Variants in LPP observed in about 807,000 individuals in gnomAD.
The protein encoded by LPP is LIM domain containing preferred translocation partner in lipoma.
LPP carries 38 observed loss-of-function variants against 60.4 expected under a neutral mutation model. The ratio of observed to expected loss-of-function variants is 0.63; its 90% confidence interval spans 0.49 to 0.83. LPP has a LOEUF of 0.83. LPP is among the 40% of genes least tolerant of loss of function. The pLI, the probability that LPP is intolerant of heterozygous loss-of-function variation, is 0.00. For synonymous variants in LPP, 328 were observed against 290.8 expected (o/e 1.13, Z -1.30); for missense variants, 902 against 783.6 (o/e 1.15, Z -1.80).
At position 188,610,870 on chromosome 3, in the gene LPP, G is replaced by A. The variant is rs1234188720; in HGVS notation, c.1113+1026G>A. ...GAGTGCCCTTGCTTCTTTTCAGTTA[G>A]AACTGTGAGAAATCAGAAATTTGAG... On this transcript the variant is annotated intron_variant, in intron 7 of 11. Coordinates refer to ENST00000617246, the MANE Select transcript of LPP (RefSeq NM_001375462.1). The surrounding 1 kb of genome is among the most constrained non-coding windows in gnomAD (Gnocchi z 4.4). Among the ~76,000 whole-genome samples, 1 of 152,168 alleles carries A rather than the reference G, an allele frequency of 6.6e-6. No homozygotes were observed. Among genetic ancestry groups the A allele is most frequent in the Non-Finnish European group, 1.5e-5 (1 of 68,026 alleles).
intron 5 of LPP, among the ~76,000 whole-genome samples, chr3:188,511,898 C>T (rs919206847): frequency 1.7e-4 from 26 of 152,058 alleles, no homozygotes; most frequent in African/African-American, 6.3e-4. Context: ...GGGTAGCTGC[C>T]TAGTAATATT....
intron 7 of LPP, among the ~76,000 whole-genome samples, chr3:188,644,658 A>G (rs1486278795): frequency 6.6e-6 from 1 of 152,196 alleles, no homozygotes; most frequent in Non-Finnish European, 1.5e-5. Flanking sequence ...GTGATTGAGC[A>G]TTGCAAAAGA....
chr3:188,533,755 C>G (rs761496990), intron 6 of LPP, among the ~76,000 whole-genome samples: 1 of 152,090 alleles, frequency 6.6e-6, no homozygotes, highest in Non-Finnish European at 1.5e-5. Context: ...TTAGCCTGTA[C>G]CCGCCAGAAA....
intron 7 of LPP, among the ~76,000 whole-genome samples, chr3:188,651,353 A>G (rs1315077764): frequency 6.6e-6 from 1 of 152,202 alleles, no homozygotes; most frequent in Non-Finnish European, 1.5e-5. Context: ...GAGAGTAGAG[A>G]TGGCCTGGCT....
chr3:188,817,799 A>C (rs1752866872), intron 9 of LPP, among the ~76,000 whole-genome samples: 1 of 152,204 alleles, frequency 6.6e-6, no homozygotes, highest in Non-Finnish European at 1.5e-5. Flanking sequence ...TGAGGTGGAG[A>C]AACAGATACT....
At chr3:188,565,796 C>T (rs958854732) in intron 6 of LPP, among the ~76,000 whole-genome samples, 2 of 151,948 alleles carry the variant, frequency 1.3e-5, no homozygotes, top group Admixed American at 1.3e-4. Context: ...GAGACTTTGA[C>T]TAAGCTTCAA....
At chr3:188,242,415 GA>G (rs1171332848) in intron 2 of LPP, among the ~76,000 whole-genome samples, 3 of 149,572 alleles carry the variant, frequency 2.0e-5, no homozygotes, top group African/African-American at 4.9e-5. Context: ...AAAGAAGAAG[GA>G]AAAAAAAACC....
chr3:188,315,890 A>G (rs1754891403), intron 2 of LPP, among the ~76,000 whole-genome samples: 1 of 152,214 alleles, frequency 6.6e-6, no homozygotes, highest in African/African-American at 2.4e-5. Flanking sequence ...GCTTCAAATT[A>G]CCTTTTTAGG....
chr3:188,561,759 A>G (rs764756345), intron 6 of LPP, among the ~76,000 whole-genome samples: 1 of 152,064 alleles, frequency 6.6e-6, no homozygotes, highest in Admixed American at 6.6e-5. Flanking sequence ...TACTCATTAC[A>G]TATAAGGATA....
At chr3:188,458,970 AC>A in intron 4 of LPP, among the ~76,000 whole-genome samples, 1 of 151,342 alleles carries the variant, frequency 6.6e-6, no homozygotes, top group Non-Finnish European at 1.5e-5. Flanking sequence ...GTTTGGAGAG[AC>A]CCCAGGTTGA....
chr3:188,808,402 C>G (rs184368831), intron 9 of LPP, among the ~76,000 whole-genome samples: 1 of 152,110 alleles, frequency 6.6e-6, no homozygotes, highest in Admixed American at 6.5e-5. Context: ...TGTGAGTCTC[C>G]GAAGCAGGCT....
chr3:188,706,456 T>C (rs1175318380), intron 7 of LPP, among the ~76,000 whole-genome samples: 1 of 152,244 alleles, frequency 6.6e-6, no homozygotes, highest in Non-Finnish European at 1.5e-5. Flanking sequence ...TTTGGCCTTT[T>C]CAGCCTTCTG....
At chr3:188,670,449 C>CTT (rs565703660) in intron 7 of LPP, among the ~76,000 whole-genome samples, 6 of 141,666 alleles carry the variant, frequency 4.2e-5, no homozygotes, top group Admixed American at 2.1e-4. Context: ...AGGTCTCTCT[C>CTT]TTTTTTTTTT....
chr3:188,252,522 T>C (rs1273333437), intron 2 of LPP, among the ~76,000 whole-genome samples: 1 of 152,040 alleles, frequency 6.6e-6, no homozygotes, highest in African/African-American at 2.4e-5. Context: ...GTAAATATTT[T>C]ATGAGGTACT....
At chr3:188,685,148 G>A (rs1248686007) in intron 7 of LPP, among the ~76,000 whole-genome samples, 1 of 152,190 alleles carries the variant, frequency 6.6e-6, no homozygotes, top group African/African-American at 2.4e-5. Flanking sequence ...CAATTGTAGT[G>A]GTGCAAGACA....
chr3:188,240,318 T>C (rs1577476672), intron 2 of LPP, among the ~76,000 whole-genome samples: 1 of 151,842 alleles, frequency 6.6e-6, no homozygotes, highest in Non-Finnish European at 1.5e-5. Context: ...GTTGACTGCA[T>C]AAGAGTCAGG....
intron 2 of LPP, among the ~76,000 whole-genome samples, chr3:188,282,481 A>G (rs1213629082): frequency 6.6e-6 from 1 of 152,034 alleles, no homozygotes; most frequent in Non-Finnish European, 1.5e-5. Flanking sequence ...GCTACTGGAG[A>G]GGGAGTCTTT....
chr3:188,658,940 G>A (rs939841714), intron 7 of LPP, among the ~76,000 whole-genome samples: 1 of 152,104 alleles, frequency 6.6e-6, no homozygotes, highest in East Asian at 1.9e-4. Flanking sequence ...TTTAAAAGCT[G>A]CAAAAATGGA....
chr3:188,393,711 T>G (rs2148713076), intron 3 of LPP, among the ~76,000 whole-genome samples: 1 of 152,340 alleles, frequency 6.6e-6, no homozygotes, highest in South Asian at 2.1e-4. Flanking sequence ...TAAGTCTTAG[T>G]ATTTTCATGG....
Sources: allele counts gnomAD v4.1 joint callset (sites outside exome capture counted in the v4.1 genomes callset), GRCh38; gene constraint gnomAD v4.1.1; non-coding constraint Gnocchi (gnomAD v3.1); transcripts MANE v1.5; gene names NCBI Gene and HGNC (gene_info 2026-07-23, HGNC 2026-07-21).